Variants in PLXDC2 observed in about 807,000 individuals in gnomAD.
The protein encoded by PLXDC2 is plexin domain containing 2, also known as plexin domain-containing protein 2.
In PLXDC2, 40 loss-of-function variants were observed where a neutral mutation model predicts 68.9. The ratio of observed to expected loss-of-function variants is 0.58; its 90% CI spans 0.45 to 0.76. The LOEUF (loss-of-function observed/expected upper bound fraction) is 0.76. Among genes scored for constraint, PLXDC2 ranks in the 30% least tolerant of loss-of-function variants. The probability of loss-of-function intolerance (pLI) is 0.00; values close to 1 mark genes in which losing one functional copy is unlikely to be tolerated. For synonymous variants in PLXDC2, 243 were observed against 234.2 expected (o/e 1.04, Z -0.34); for missense variants, 644 against 661.9 (o/e 0.97, Z 0.30).
intron 4 of PLXDC2, among the ~76,000 whole-genome samples, chr10:20,082,206 A>G (rs985759209): frequency 1.8e-4 from 27 of 151,930 alleles, no homozygotes; most frequent in African/African-American, 5.1e-4. Context: ...AAATCTGAAT[A>G]CATTTAGTTA....
intron 6 of PLXDC2, among the ~76,000 whole-genome samples, chr10:20,160,414 C>CATAA (rs1194309326): frequency 6.6e-6 from 1 of 152,146 alleles, no homozygotes; most frequent in African/African-American, 2.4e-5. Flanking sequence ...ACTCTCCTTA[C>CATAA]ATAAAGGTAG....
rs563050029 is a variant in PLXDC2 at position 20,152,063 on chromosome 10, C to T, written c.783+4161C>T. On this transcript the variant is annotated intron_variant, in intron 6 of 13. Transcript: ENST00000377252. ...TTTTCAATGCCCTCATTCAATTTATCTTAGTATTTAAATGTGCCAACCATG... is the reference window on the plus strand; with the variant it reads ...TTTTCAATGCCCTCATTCAATTTATTTTAGTATTTAAATGTGCCAACCATG... Among the ~76,000 whole-genome samples the T allele has an allele frequency of 2.6e-5, 4 of 152,104 alleles. 1 individual carries two copies. Among genetic ancestry groups the T allele is most frequent in the South Asian group, 4.2e-4 (2 of 4,816 alleles).
intron 1 of PLXDC2, among the ~76,000 whole-genome samples, chr10:19,856,030 G>A (rs529539384): frequency 6.6e-6 from 1 of 152,288 alleles, no homozygotes; most frequent in South Asian, 2.1e-4. Context: ...GGGAGGTGGA[G>A]GTTGCAGTGA....
intron 13 of PLXDC2, among the ~76,000 whole-genome samples, chr10:20,265,274 A>G (rs1835856053): frequency 6.6e-6 from 1 of 152,236 alleles, no homozygotes. Context: ...CAAAATGACC[A>G]GAAAGACATC....
chr10:20,182,101 G>GTA (rs1834613866), intron 9 of PLXDC2, among the ~76,000 whole-genome samples: 1 of 151,036 alleles, frequency 6.6e-6, no homozygotes, highest in Non-Finnish European at 1.5e-5. Flanking sequence ...GTGTGTGTGT[G>GTA]AATGAAGTTT....
At chr10:20,002,043 C>G in intron 2 of PLXDC2, 57 bp downstream of exon 2, 1 of 1,520,524 alleles carries the variant, frequency 6.6e-7, no homozygotes, top group South Asian at 1.2e-5. Context: ...CATGTAGGTG[C>G]CCAACTTTTA....
intron 4 of PLXDC2, among the ~76,000 whole-genome samples, chr10:20,074,647 T>G (rs1490149902): frequency 2.6e-5 from 4 of 152,212 alleles, no homozygotes; most frequent in African/African-American, 9.6e-5. Context: ...ATGGTAATAT[T>G]TTAATTGTAG....
At chr10:19,904,007 G>C (rs1057104040) in intron 1 of PLXDC2, among the ~76,000 whole-genome samples, 1 of 151,908 alleles carries the variant, frequency 6.6e-6, no homozygotes, top group Non-Finnish European at 1.5e-5. Context: ...GTTCCTTTTG[G>C]AGATGATTTC....
chr10:20,247,031 T>C (rs1168429591), intron 13 of PLXDC2, among the ~76,000 whole-genome samples: 1 of 152,138 alleles, frequency 6.6e-6, no homozygotes, highest in Non-Finnish European at 1.5e-5. Context: ...CTCAATCTTA[T>C]GTGTCATTTC....
chr10:19,922,287 T>G (rs186398944), intron 1 of PLXDC2, among the ~76,000 whole-genome samples: 19 of 152,324 alleles, frequency 1.2e-4, no homozygotes, highest in African/African-American at 4.1e-4. Flanking sequence ...AATTGAGAGA[T>G]AGTGTTCCAG....
chr10:19,861,193 C>T (rs1029034048), intron 1 of PLXDC2, among the ~76,000 whole-genome samples: 1 of 151,978 alleles, frequency 6.6e-6, no homozygotes, highest in Admixed American at 6.6e-5. Context: ...CACCACCACG[C>T]CTGGCTAATT....
chr10:20,286,217 A>T lies in PLXDC2; in HGVS notation c.*6398A>T, dbSNP rs1470707709. On this transcript the variant is annotated 3_prime_UTR_variant, in exon 14 of 14. Coordinates refer to ENST00000377252, the MANE Select transcript of PLXDC2 (RefSeq NM_032812.9). ...TAGGTTAATTTCCAGCTCACTGTTG[A>T]CACTGAAAGATTCTGTGTTACTTTA... 1 of 152,172 alleles carries T rather than the reference A, an allele frequency of 6.6e-6. No homozygotes were observed. Among genetic ancestry groups the T allele is most frequent in the Non-Finnish European group, 1.5e-5 (1 of 68,034 alleles). 9.4% of individuals were successfully genotyped at this position (152,172 alleles called of 1,614,324 possible). A position where few individuals can be genotyped will look rare whatever the true frequency, so the allele number is the denominator to read the frequency against.
intron 4 of PLXDC2, among the ~76,000 whole-genome samples, chr10:20,077,662 A>G (rs1564306748): frequency 6.6e-6 from 1 of 152,238 alleles, no homozygotes; most frequent in Non-Finnish European, 1.5e-5. Flanking sequence ...AGCTAATTTT[A>G]AAAATAAGCA....
chr10:19,883,548 G>A (rs1488101500), intron 1 of PLXDC2, among the ~76,000 whole-genome samples: 1 of 151,942 alleles, frequency 6.6e-6, no homozygotes, highest in African/African-American at 2.4e-5. Context: ...CAAATGAGTG[G>A]TTGGTCACAA....
chr10:20,189,494 T>TATATATATAC, intron 9 of PLXDC2, among the ~76,000 whole-genome samples: 1 of 124,056 alleles, frequency 8.1e-6, no homozygotes, highest in Non-Finnish European at 1.7e-5. Flanking sequence ...TATATATATA[T>TATATATATAC]ATATATATAT....
Position 19,955,691 on chromosome 10 carries a change from TA to T in PLXDC2, c.113-46074del, listed in dbSNP as rs1008893306. ...TCTGTAATAAAATAAATTCCCAGCT[TA>T]AAAAAAAAAGAAGTTGTTCATAACT... is the stretch of plus-strand genomic sequence containing the variant. On this transcript the variant is annotated intron_variant, in intron 1 of 13. Coordinates refer to ENST00000377252, the MANE Select transcript of PLXDC2 (RefSeq NM_032812.9). Among the ~76,000 whole-genome samples the T allele has an allele frequency of 2.4e-4, 36 of 149,244 alleles. No individual in the cohort carries two copies. In the East Asian group the frequency reaches 6.6e-3, roughly 27 times the overall value.
rs1310835219 is a variant in PLXDC2, at chr10:20,287,984, G to A, written c.*8165G>A. On this transcript the variant is annotated 3_prime_UTR_variant, in exon 14 of 14. Coordinates refer to ENST00000377252, the MANE Select transcript of PLXDC2 (RefSeq NM_032812.9). ...AAATTGGGCACTTCTTGCGGCGGGG[G>A]AGGGGGGGGGGGCGGTGGCTTTCCA... 1 of 105,888 alleles carries A rather than the reference G, an allele frequency of 9.4e-6. No homozygotes were observed. Among genetic ancestry groups the A allele is most frequent in the African/African-American group, 3.6e-5 (1 of 27,746 alleles). 6.6% of individuals were successfully genotyped at this position (105,888 alleles called of 1,614,324 possible). A position where few individuals can be genotyped will look rare whatever the true frequency, so the allele number is the denominator to read the frequency against.
intron 1 of PLXDC2, among the ~76,000 whole-genome samples, chr10:19,985,549 A>C (rs556787979): frequency 2.6e-5 from 4 of 152,302 alleles, no homozygotes; most frequent in African/African-American, 9.6e-5. Flanking sequence ...CTAGATATTA[A>C]AATTTTTACT....
In PLXDC2 at chr10:20,223,623, A is replaced by G. The variant is rs1835247890; in HGVS notation, c.1312+4521A>G. Among the ~76,000 whole-genome samples the G allele has an allele frequency of 2.0e-5, 3 of 152,104 alleles. No homozygotes were observed. In the South Asian group the frequency reaches 6.2e-4, roughly 32 times the overall value. The stretch of plus-strand genomic sequence containing the variant: ...CCATCCTGCCCAGCCTAGATCTCTT[A>G]CAATCAACCTTCCCATGGGAAATGC... On this transcript the variant is annotated intron_variant, in intron 12 of 13. Coordinates refer to ENST00000377252, the MANE Select transcript of PLXDC2 (RefSeq NM_032812.9).
Sources: allele counts gnomAD v4.1 joint callset (sites outside exome capture counted in the v4.1 genomes callset), GRCh38; gene constraint gnomAD v4.1.1; transcripts MANE v1.5; gene names NCBI Gene and HGNC (gene_info 2026-07-23, HGNC 2026-07-21).